SLC26A1: variants seen among roughly 807,000 people sequenced by gnomAD.
SLC26A1 encodes the protein sulfate anion transporter 1.
In SLC26A1, 18 loss-of-function variants were observed where a neutral mutation model predicts 14.5. The ratio of observed to expected loss-of-function variants is 1.24; its 90% CI spans 0.86 to 1.84. The LOEUF is 1.84. Among genes scored for constraint, SLC26A1 ranks in the 40% most tolerant of loss-of-function variants. SLC26A1 has a pLI of 0.00. For missense variants in SLC26A1, 1,049 were observed against 1,020.0 expected (o/e 1.03, Z -0.39); for synonymous variants, 505 against 492.0 (o/e 1.03, Z -0.35).
downstream of SLC26A1, among the ~76,000 whole-genome samples, chr4:984,142 C>G (rs1713629213): frequency 6.6e-6 from 1 of 152,174 alleles, no homozygotes; most frequent in Middle Eastern, 3.2e-3. Context: ...ATTTAATTTG[C>G]TGTTAAACCA....
At chr4:979,402 TA>T in exon 3 of SLC26A1, 2 of 1,507,028 alleles carry the variant, frequency 1.3e-6, no homozygotes, top group Non-Finnish European at 1.8e-6. Flanking sequence ...CATTTCCTGT[TA>T]AATCAGCAAG....
intron 2 of SLC26A1, chr4:990,625 GT>G (rs1560537094): frequency 2.0e-6 from 1 of 505,034 alleles, no homozygotes; most frequent in African/African-American, 2.0e-5. Flanking sequence ...CCCTTGTCAC[GT>G]GCAGCAGCCC....
intron 2 of SLC26A1, among the ~76,000 whole-genome samples, chr4:981,003 C>T (rs569055673): frequency 3.7e-4 from 57 of 152,308 alleles, no homozygotes; most frequent in African/African-American, 1.3e-3. Context: ...TTAGGCCGCA[C>T]ACCCTGAGAC....
chr4:986,670 T>G, downstream of SLC26A1: 1 of 423,676 alleles, frequency 2.4e-6, no homozygotes, highest in South Asian at 1.6e-5. Flanking sequence ...GGTGAGAAAA[T>G]CGCTGAAGCC....
downstream of SLC26A1, chr4:987,148 C>T (rs1001972534): frequency 7.1e-7 from 1 of 1,415,768 alleles, no homozygotes; most frequent in Non-Finnish European, 9.2e-7. Flanking sequence ...GGCCGCGCCC[C>T]CGGTGGCCCC....
At position 988,079 on chromosome 4, in the gene SLC26A1, C is replaced by G; in HGVS notation, c.*754G>C. The G allele has an allele frequency of 1.4e-6, 2 of 1,455,490 alleles. No homozygotes were observed. Among genetic ancestry groups the G allele is most frequent in the South Asian group, 2.8e-5 (2 of 71,666 alleles). 90.2% of individuals were successfully genotyped at this position (1,455,490 alleles called of 1,614,324 possible). A position where few individuals can be genotyped will look rare whatever the true frequency, so the allele number is the denominator to read the frequency against. ...CGCCGAAGCACCCTGTTGGGGAGAG[C>G]GTGTCCTTGCTGGCTGTGCTGGGGT... is the stretch of plus-strand genomic sequence containing the variant. On this transcript the variant is annotated 3_prime_UTR_variant, in exon 3 of 3. Transcript: ENST00000398516.
intron 2 of SLC26A1, 174 bp from the exon 3 acceptor site, chr4:990,536 C>G (rs570306488): frequency 1.5e-6 from 1 of 645,626 alleles, no homozygotes. Context: ...TCTGGTTCCA[C>G]GCGTGCTCAT....
downstream of SLC26A1, among the ~76,000 whole-genome samples, chr4:985,543 C>A (rs367710879): frequency 1.1e-4 from 16 of 152,288 alleles, no homozygotes; most frequent in East Asian, 1.4e-3. Context: ...GTTTTTAAAG[C>A]GAGTTATCCA....
Position 991,439 on chromosome 4 carries a change from C to T in SLC26A1, c.265G>A (p.Ala89Thr), listed in dbSNP as rs1010411911. 3 of 1,612,602 alleles carry T rather than the reference C, an allele frequency of 1.9e-6. No homozygotes were observed. Among genetic ancestry groups the T allele is most frequent in the Middle Eastern group, 1.6e-4 (1 of 6,082 alleles). The part of the protein sequence containing the change: ...IGIILVPQAI[A>T]YSLLAGLQPI... Reference sequence around the variant, plus strand: ...TGCAGCCCGGCCAGCAATGAGTAGGCGATGGCCTGCGGCACCAGGATGATG... The same window carrying T: ...TGCAGCCCGGCCAGCAATGAGTAGGTGATGGCCTGCGGCACCAGGATGATG... Residue 89 changes from alanine to threonine, a missense_variant, in exon 2 of 3, where the codon GCC becomes ACC. Ala to Thr is a moderately conservative substitution (Grantham distance 58, BLOSUM62 0). Transcript: ENST00000398516.
At position 989,763 on chromosome 4, in the gene SLC26A1, G is replaced by C; in HGVS notation, c.1176C>G (p.Cys392Trp). The change falls in exon 3 of 3, where the codon TGC (cysteine) becomes TGG (tryptophan). Residue 392 changes from cysteine to tryptophan, a missense_variant. Transcript: ENST00000398516. ...CCNVLPAFLHCFATSAALAKS... is the reference protein window; with the variant it reads ...CCNVLPAFLHWFATSAALAKS... ...TGGCCAGGGCGGCGCTGGTGGCGAA[G>C]CAGTGGAGGAAGGCGGGTAGCACGT... is the stretch of plus-strand genomic sequence containing the variant. 6 of 1,560,622 alleles carry C rather than the reference G, an allele frequency of 3.8e-6. No individual in the cohort carries two copies. Among genetic ancestry groups the C allele is most frequent in the Non-Finnish European group, 5.2e-6 (6 of 1,152,994 alleles).
At chr4:980,086 C>G (rs1483638760) in intron 2 of SLC26A1, among the ~76,000 whole-genome samples, 1 of 152,188 alleles carries the variant, frequency 6.6e-6, no homozygotes, top group Admixed American at 6.5e-5. Context: ...GCAGGGTGGA[C>G]ACTGCCAGGT....
At chr4:986,982 C>T, downstream of SLC26A1, 1 of 1,169,660 alleles carries the variant, frequency 8.5e-7, no homozygotes, top group Non-Finnish European at 1.2e-6. Flanking sequence ...ACCAAGGCCC[C>T]GCCCCGCGGC....
Position 990,160 on chromosome 4 carries a change from T to G in SLC26A1, c.779A>C (p.Asn260Thr). The G allele has an allele frequency of 6.4e-7, 1 of 1,563,682 alleles. No homozygotes were observed. Among genetic ancestry groups the G allele is most frequent in the Non-Finnish European group, 8.7e-7 (1 of 1,155,146 alleles). Residue 260 changes from asparagine (N) to threonine (T), a missense_variant, in exon 3 of 3, where the codon AAC becomes ACC. Asn to Thr is a moderately conservative substitution (Grantham distance 65). Coordinates refer to ENST00000398516, the MANE Select transcript of SLC26A1 (RefSeq NM_022042.4). ...LSLLRGAGQA[N>T]VCDVVTSTVC... The stretch of plus-strand genomic sequence containing the variant: ...CGTGCTGGTGACCACGTCGCACACG[T>G]TGGCCTGCCCGGCGCCGCGCAGCAG...
chr4:979,571 C>A (rs541099486), intron 2 of SLC26A1: 91 of 1,592,290 alleles, frequency 5.7e-5, no homozygotes, highest in Non-Finnish European at 7.6e-5. Flanking sequence ...CACAGCCAAA[C>A]GTCCCCCTGC....
In SLC26A1 at chr4:989,868, G is replaced by C; in HGVS notation, c.1071C>G (p.Ile357Met). Residue 357 changes from isoleucine (I) to methionine (M), a missense_variant, in exon 3 of 3, where the codon ATC (isoleucine) becomes ATG (methionine). By Grantham distance (10) the Ile-to-Met change is conservative. Coordinates refer to ENST00000398516, the MANE Select transcript of SLC26A1 (RefSeq NM_022042.4). ...ALALVAAAFS[I>M]SLAEMFARSH... ...TGCGGGCGAACATCTCCGCCAGCGAGATGGAGAAGGCGGCAGCCACGAGGG... is the reference window on the plus strand; with the variant it reads ...TGCGGGCGAACATCTCCGCCAGCGACATGGAGAAGGCGGCAGCCACGAGGG... 1 of 1,575,602 alleles carries C rather than the reference G, an allele frequency of 6.3e-7. No individual in the cohort carries two copies. The highest frequency in any genetic ancestry group is 8.6e-7 in the Non-Finnish European group (1 of 1,161,616).
In SLC26A1 at chr4:989,143, C is replaced by A; in HGVS notation, c.1796G>T (p.Arg599Met). ...GGCCGCTGCGGGCACCAGCGCAGCC[C>A]TGGTGCTAACCGGGCCCAGGTCCTC... ...QGEDLGPVST[R>M]AALVPAAAGF... The change falls in exon 3 of 3, where the codon AGG (arginine) becomes ATG (methionine). Residue 599 changes from arginine (R) to methionine (M), a missense_variant. Physicochemically the swap from Arg to Met is moderately conservative, Grantham distance 91. Transcript: ENST00000398516. 1 of 1,608,110 alleles carries A rather than the reference C, an allele frequency of 6.2e-7. No individual in the cohort carries two copies. The highest frequency in any genetic ancestry group is 1.1e-5 in the South Asian group (1 of 90,592).
Position 991,558 on chromosome 4 carries a change from A to C in SLC26A1, c.146T>G (p.Leu49Arg). ...CSCSVLCVRA[L>R]VQDLLPATRW... ...CGTGGCGGGGAGCAGGTCCTGCACCAGCGCCCGGACGCACAGCACACTGCA... is the reference window on the plus strand; with the variant it reads ...CGTGGCGGGGAGCAGGTCCTGCACCCGCGCCCGGACGCACAGCACACTGCA... Residue 49 changes from leucine (L) to arginine (R), a missense_variant, in exon 2 of 3, where the codon CTG becomes CGG. Coordinates refer to ENST00000398516, the MANE Select transcript of SLC26A1 (RefSeq NM_022042.4). 6.2e-7 allele frequency: 1 copy of C among 1,604,730 alleles called. No homozygotes were observed. The highest frequency in any genetic ancestry group is 8.5e-7 in the Non-Finnish European group (1 of 1,177,158).
rs372651551 is a variant in SLC26A1 at position 989,307 on chromosome 4, C to T, written c.1632G>A (p.Gly544=). The part of the protein sequence containing the change: ...EPGVRVFRFG[G]PLYYANKDFF... ...AGTCCTTGTTGGCATAGTACAGCGGCCCCCCAAAGCGGAACACCCGCACGC... is the reference window on the plus strand; with the variant it reads ...AGTCCTTGTTGGCATAGTACAGCGGTCCCCCAAAGCGGAACACCCGCACGC... Residue 544 remains glycine, a synonymous_variant, in exon 3 of 3, where the codon GGG becomes GGA. Transcript: ENST00000398516. 4.3e-6 allele frequency: 7 copies of T among 1,611,184 alleles called. No individual in the cohort carries two copies. Among genetic ancestry groups the T allele is most frequent in the Non-Finnish European group, 5.9e-6 (7 of 1,179,062 alleles).
At chr4:980,142 G>A (rs1713494943) in intron 2 of SLC26A1, among the ~76,000 whole-genome samples, 1 of 152,190 alleles carries the variant, frequency 6.6e-6, no homozygotes, top group South Asian at 2.1e-4. Context: ...CTGGGCCCTG[G>A]GCTCGGCAGC....
Sources: gnomAD v4.1 joint callset for allele counts (sites outside exome capture counted in the v4.1 genomes callset) on GRCh38, gnomAD v4.1.1 for gene constraint, MANE v1.5 for transcripts, NCBI Gene and HGNC (gene_info 2026-07-23, HGNC 2026-07-21) for gene names.